Variants in SSX5 observed in about 807,000 individuals in gnomAD.
SSX5 encodes the protein protein SSX5.
SSX5 carries 14 observed loss-of-function variants against 14.9 expected under a neutral mutation model. That is an observed-to-expected ratio of 0.94 (90% CI 0.62 to 1.47). The LOEUF (loss-of-function observed/expected upper bound fraction) is 1.47. Among genes scored for constraint, SSX5 ranks in the 40% most tolerant of loss-of-function variants. The pLI is 0.00. For synonymous variants in SSX5, 70 were observed against 55.4 expected, an observed-to-expected ratio of 1.26 and a Z score of -1.17; for missense variants, 204 against 154.6, an observed-to-expected ratio of 1.32 and a Z score of -1.70.
In SSX5 at chrX:48,187,692, C is replaced by T. The variant is rs189518399; in HGVS notation, c.506G>A (p.Arg169His). ...ATAAATCACCAGTTGCTTTCTCTCACGCACTCTGTGGGTCCAGGCATGTTT... is the reference window on the plus strand; with the variant it reads ...ATAAATCACCAGTTGCTTTCTCTCATGCACTCTGTGGGTCCAGGCATGTTT... Reference protein sequence around the residue: ...RGKHAWTHRVRERKQLVIYEE... With the variant: ...RGKHAWTHRVHERKQLVIYEE... Residue 169 changes from arginine (R) to histidine (H), a missense_variant, in exon 7 of 8, where the codon CGT (arginine) becomes CAT (histidine). Transcript: ENST00000347757. The T allele has an allele frequency of 3.2e-5, 39 of 1,207,864 alleles. No homozygotes were observed. Among genetic ancestry groups the T allele is most frequent in the Middle Eastern group, 3.2e-4 (1 of 3,108 alleles).
At chrX:48,191,959 T>C (rs2059421645) in intron 5 of SSX5, among the ~76,000 whole-genome samples, 1 of 112,439 alleles carries the variant, frequency 8.9e-6, no homozygotes, top group Non-Finnish European at 1.9e-5. Context: ...CATTATTATT[T>C]GGAGATAATA....
intron 7 of SSX5, 127 bp downstream of exon 7, chrX:48,187,500 A>T: frequency 4.6e-6 from 4 of 877,458 alleles, no homozygotes; most frequent in Non-Finnish European, 4.8e-6. Context: ...ATTCAGCCTC[A>T]ATGCTGTACC....
In SSX5 at chrX:48,195,464, G is replaced by A. The variant is rs2059437504; in HGVS notation, c.-20-86C>T. 8.6e-6 allele frequency: 8 copies of A among 935,203 alleles called. No individual in the cohort carries two copies. In the South Asian group the frequency reaches 9.0e-5, roughly 10 times the overall value. The allele number at this position is 935,203 out of a possible 1,213,427, so 77.1% of individuals were successfully genotyped here. A position where few individuals can be genotyped will look rare whatever the true frequency, so the allele number is the denominator to read the frequency against. On this transcript the variant is annotated intron_variant, in intron 1 of 7. Transcript: ENST00000347757. ...AATCAGTGAAGTCTGGCCACACTCA[G>A]TCACCTGGAATCAGGAGTTGCATTT... is the stretch of plus-strand genomic sequence containing the variant.
intron 6 of SSX5, 48 bp from the exon 7 acceptor site, chrX:48,187,779 G>A: frequency 8.5e-7 from 1 of 1,180,447 alleles, no homozygotes; most frequent in Non-Finnish European, 1.2e-6. Flanking sequence ...GATTGGAGAG[G>A]GTTGGGTTGA....
Position 48,196,772 on chromosome X carries a change from CTG to C in SSX5, c.-64_-63del, listed in dbSNP as rs1352671331. 1 of 111,886 alleles carries C rather than the reference CTG, an allele frequency of 8.9e-6. No individual in the cohort carries two copies. The highest frequency in any genetic ancestry group is 9.6e-5 in the Admixed American group (1 of 10,399). The allele number at this position is 111,886 out of a possible 1,213,427, so 9.2% of individuals were successfully genotyped here. A position where few individuals can be genotyped will look rare whatever the true frequency, so the allele number is the denominator to read the frequency against. On this transcript the variant is annotated 5_prime_UTR_variant, in exon 1 of 8. Coordinates refer to ENST00000347757, the MANE Select transcript of SSX5 (RefSeq NM_175723.2). ...TCGAAACAATCAGAGCGTGCGTACT[CTG>C]TGGAAAAATCGAGAGAGAGAGAAAG...
chrX:48,195,217 TC>T, intron 2 of SSX5, 72 bp downstream of exon 2: 1 of 1,205,440 alleles, frequency 8.3e-7, no homozygotes, highest in South Asian at 1.8e-5. Context: ...ACCTCTGTCC[TC>T]CCCTCCTCAG....
At chrX:48,189,542 G>C (rs1601918975) in intron 6 of SSX5, among the ~76,000 whole-genome samples, 1 of 112,153 alleles carries the variant, frequency 8.9e-6, no homozygotes, top group East Asian at 2.8e-4. Context: ...AAGATTATTA[G>C]CATTTTATAC....
intron 5 of SSX5, among the ~76,000 whole-genome samples, chrX:48,191,618 C>G (rs1233214748): frequency 6.0e-5 from 5 of 83,007 alleles, no homozygotes; most frequent in East Asian, 4.3e-4. Flanking sequence ...GAGAGTGGGT[C>G]TCTCAATGGA....
At chrX:48,194,095 G>T in intron 4 of SSX5, 34 bp downstream of exon 4, 7 of 1,201,087 alleles carry the variant, frequency 5.8e-6, no homozygotes, top group Non-Finnish European at 7.9e-6. Context: ...TTGCGCTTGA[G>T]GAGACCCTTT....
intron 2 of SSX5, 31 bp downstream of exon 2, chrX:48,195,259 C>A: frequency 8.3e-7 from 1 of 1,207,125 alleles, no homozygotes; most frequent in East Asian, 3.0e-5. Flanking sequence ...GTCCCCTGGG[C>A]CACTACTATG....
rs782778149 is a variant in SSX5 at position 48,189,771 on chromosome X, G to T, written c.466+362C>A. On this transcript the variant is annotated intron_variant, in intron 6 of 7. Transcript: ENST00000347757. Reference sequence around the variant, plus strand: ...ACAGGCATTGAGCTGAGTAAGATATGATCCCAGGTAATCACAGATGGAATT... The same window carrying T: ...ACAGGCATTGAGCTGAGTAAGATATTATCCCAGGTAATCACAGATGGAATT... Among the ~76,000 whole-genome samples, 5 of 111,945 alleles carry T rather than the reference G, an allele frequency of 4.5e-5. No homozygotes were observed. In the Admixed American group the frequency reaches 4.8e-4, roughly 11 times the overall value.
chrX:48,187,627 G>T lies in SSX5; in HGVS notation c.*4C>A. On this transcript the variant is annotated splice_region_variant and 3_prime_UTR_variant, in exon 7 of 8. Transcript: ENST00000347757. ...GGAGATGAGCCAAAGGTTCACTTAC[G>T]GAGTTACTCGTCATCTTCCTGAGGG... is the stretch of plus-strand genomic sequence containing the variant. 1 of 1,207,420 alleles carries T rather than the reference G, an allele frequency of 8.3e-7. No homozygotes were observed. Among genetic ancestry groups the T allele is most frequent in the Non-Finnish European group, 1.1e-6 (1 of 893,225 alleles).
chrX:48,194,629 C>T, intron 3 of SSX5, 111 bp downstream of exon 3: 1 of 904,160 alleles, frequency 1.1e-6, no homozygotes, highest in Non-Finnish European at 1.5e-6. Flanking sequence ...GCCATTTTTC[C>T]CTGCACAAAA....
intron 7 of SSX5, 23 bp from the exon 8 acceptor site, chrX:48,186,879 A>C: frequency 8.3e-7 from 1 of 1,197,818 alleles, no homozygotes; most frequent in Admixed American, 2.2e-5. Flanking sequence ...GCGAGAAGGA[A>C]AGTAAGTGGC....
intron 4 of SSX5, chrX:48,192,497 G>C: frequency 2.0e-6 from 1 of 499,139 alleles, no homozygotes; most frequent in African/African-American, 2.4e-5. Context: ...TTATCACATG[G>C]GGACTAAACC....
chrX:48,189,691 C>T (rs1241039126), intron 6 of SSX5, among the ~76,000 whole-genome samples: 1 of 112,007 alleles, frequency 8.9e-6, no homozygotes, highest in East Asian at 2.8e-4. Flanking sequence ...CTCACTTTAT[C>T]GCAGTGGTCT....
At chrX:48,188,380 G>GT (rs1170045446) in intron 6 of SSX5, among the ~76,000 whole-genome samples, 3 of 111,859 alleles carry the variant, frequency 2.7e-5, no homozygotes, top group African/African-American at 9.8e-5. Flanking sequence ...ATTTATCCTT[G>GT]GTTACAATCA....
In SSX5 at chrX:48,187,724, T is replaced by G; in HGVS notation, c.474A>C (p.Lys158Asn). Residue 158 changes from lysine (K) to asparagine (N), a missense_variant, in exon 7 of 8, where the codon AAA (lysine) becomes AAC (asparagine). Physicochemically the swap from Lys to Asn is moderately conservative, Grantham distance 94. Coordinates refer to ENST00000347757, the MANE Select transcript of SSX5 (RefSeq NM_175723.2). ...TGTGGGTCCAGGCATGTTTCCCCCTTTTGGGTCCTATGATGGAGAAGAGTT... is the reference window on the plus strand; with the variant it reads ...TGTGGGTCCAGGCATGTTTCCCCCTGTTGGGTCCTATGATGGAGAAGAGTT... ...SEKVNKTSGP[K>N]RGKHAWTHRV... is the part of the protein sequence containing the mutation. The G allele has an allele frequency of 9.9e-6, 12 of 1,208,010 alleles. No homozygotes were observed. Among genetic ancestry groups the G allele is most frequent in the Non-Finnish European group, 1.3e-5 (12 of 893,885 alleles).
intron 5 of SSX5, 60 bp downstream of exon 5, chrX:48,192,171 AG>A: frequency 8.3e-7 from 1 of 1,202,379 alleles, no homozygotes; most frequent in Non-Finnish European, 1.1e-6. Context: ...CCACTCTTAC[AG>A]GGTTCACATT....
Sources: gnomAD v4.1 joint callset for allele counts (sites outside exome capture counted in the v4.1 genomes callset) on GRCh38, gnomAD v4.1.1 for gene constraint, MANE v1.5 for transcripts, NCBI Gene and HGNC (gene_info 2026-07-23, HGNC 2026-07-21) for gene names.